Variants in RBFOX3 observed in about 807,000 individuals in gnomAD.
RBFOX3 encodes RNA binding fox-1 homolog 3, also known as RNA binding protein fox-1 homolog 3.
Under a neutral mutation model 48.7 loss-of-function variants are expected in RBFOX3, and 17 were observed. That is an observed-to-expected ratio of 0.35 (90% CI 0.24 to 0.52). The LOEUF is 0.52. Among genes scored for constraint, RBFOX3 ranks in the 20% least tolerant of loss-of-function variants. The pLI is 0.94. For missense variants in RBFOX3, 382 were observed against 497.5 expected, an observed-to-expected ratio of 0.77 and a Z score of 2.21; for synonymous variants, 212 against 209.5, an observed-to-expected ratio of 1.01 and a Z score of -0.10.
intron 4 of RBFOX3, among the ~76,000 whole-genome samples, chr17:79,230,558 T>C (rs1020129189): frequency 1.1e-4 from 17 of 152,104 alleles, no homozygotes; most frequent in African/African-American, 3.9e-4. Flanking sequence ...GGCACCCGGC[T>C]CTCCTTATTC....
rs947357799 is a variant in RBFOX3 at position 79,605,177 on chromosome 17, G to A, written c.-320+5649C>T. Among the ~76,000 whole-genome samples, 210 of 138,788 alleles carry A rather than the reference G, an allele frequency of 1.5e-3. No homozygotes were observed. The East Asian group carries it at 0.045, about 30-fold the overall frequency. 91.1% of individuals were successfully genotyped at this position (138,788 alleles called of 152,430 possible). ...AGAAGAGAATCTGATCTGGAGGTCC[G>A]GGTTACCTTTGTTTGTTTGTTTTGA... is the stretch of plus-strand genomic sequence containing the variant. On this transcript the variant is annotated intron_variant, in intron 1 of 14. Coordinates refer to ENST00000693108, the MANE Select transcript of RBFOX3 (RefSeq NM_001350451.2).
chr17:79,483,560 G>A (rs2079093577), intron 1 of RBFOX3, among the ~76,000 whole-genome samples: 1 of 145,452 alleles, frequency 6.9e-6, no homozygotes, highest in African/African-American at 2.6e-5. Flanking sequence ...CATCCCTATG[G>A]CATTTCCTTC....
intron 4 of RBFOX3, among the ~76,000 whole-genome samples, chr17:79,223,202 C>A (rs1019800968): frequency 6.6e-6 from 1 of 152,188 alleles, no homozygotes; most frequent in South Asian, 2.1e-4. Flanking sequence ...CAACAGCAGA[C>A]AGCACACACA....
intron 1 of RBFOX3, among the ~76,000 whole-genome samples, chr17:79,486,911 G>A (rs1228407128): frequency 6.6e-6 from 1 of 152,232 alleles, no homozygotes; most frequent in Non-Finnish European, 1.5e-5. Flanking sequence ...GAGGCAGCAC[G>A]AGACTGGGGC....
chr17:79,503,245 GGTTCACCATAT>G (rs1441687952), intron 1 of RBFOX3, among the ~76,000 whole-genome samples: 1 of 152,108 alleles, frequency 6.6e-6, no homozygotes, highest in Non-Finnish European at 1.5e-5. Flanking sequence ...GGGGCTTAGG[GGTTCACCATAT>G]GCATGGGGCG....
At chr17:79,459,926 A>T (rs77047482) in intron 2 of RBFOX3, among the ~76,000 whole-genome samples, 2,631 of 152,270 alleles carry the variant, frequency 0.017, 87 homozygotes, top group African/African-American at 0.06. Context: ...TTGAATGGAT[A>T]AACTCAATGG....
intron 2 of RBFOX3, among the ~76,000 whole-genome samples, chr17:79,401,802 C>T (rs1048373846): frequency 2.6e-5 from 4 of 152,212 alleles, no homozygotes; most frequent in Admixed American, 1.3e-4. Context: ...GTCTGACGAC[C>T]GGCTCCAGAT....
intron 4 of RBFOX3, among the ~76,000 whole-genome samples, chr17:79,194,812 C>G (rs1257733660): frequency 6.6e-6 from 1 of 150,732 alleles, no homozygotes; most frequent in Non-Finnish European, 1.5e-5. Context: ...GACTTGGGAC[C>G]ATAAAAAGAG....
At chr17:79,536,700 T>C (rs2088822990) in intron 1 of RBFOX3, among the ~76,000 whole-genome samples, 1 of 152,240 alleles carries the variant, frequency 6.6e-6, no homozygotes. Flanking sequence ...TCATCCGTCC[T>C]CTAACAGAGG....
chr17:79,291,582 G>C, intron 3 of RBFOX3, among the ~76,000 whole-genome samples: 1 of 152,208 alleles, frequency 6.6e-6, no homozygotes. Context: ...CACCCCTTGA[G>C]CCTCACAGTC....
chr17:79,376,966 T>C (rs765559475), intron 2 of RBFOX3, among the ~76,000 whole-genome samples: 2 of 152,154 alleles, frequency 1.3e-5, no homozygotes, highest in Admixed American at 6.5e-5. Flanking sequence ...CTCCCGCCAG[T>C]ACCTCCTGAG....
intron 2 of RBFOX3, among the ~76,000 whole-genome samples, chr17:79,382,603 G>A (rs941153840): frequency 1.2e-4 from 18 of 152,166 alleles, no homozygotes; most frequent in African/African-American, 4.3e-4. Context: ...TTGCGGTCAT[G>A]GGCAACCCTT....
the RBFOX3 span, among the ~76,000 whole-genome samples, chr17:79,629,494 G>C: frequency 2.0e-5 from 3 of 152,106 alleles, no homozygotes; most frequent in Non-Finnish European, 4.4e-5. Context: ...ATTGCACCCA[G>C]TGCTTCAGGG....
At chr17:79,225,291 CTTTT>C (rs58461275) in intron 4 of RBFOX3, among the ~76,000 whole-genome samples, 5 of 128,090 alleles carry the variant, frequency 3.9e-5, no homozygotes, top group Non-Finnish European at 3.2e-5. Context: ...TCCCTCCATT[CTTTT>C]TTTTTTTTTT....
At chr17:79,425,631 G>GA (rs1555725051) in intron 2 of RBFOX3, among the ~76,000 whole-genome samples, 1 of 152,258 alleles carries the variant, frequency 6.6e-6, no homozygotes. Context: ...GTGCACTTGG[G>GA]ATCAACCTTG....
Position 79,096,704 on chromosome 17 carries a change from C to T in RBFOX3, c.885G>A (p.Pro295=), listed in dbSNP as rs1009179838. The T allele has an allele frequency of 2.6e-6, 4 of 1,537,192 alleles. No homozygotes were observed. Among genetic ancestry groups the T allele is most frequent in the Non-Finnish European group, 2.6e-6 (3 of 1,138,646 alleles). ...CCTGATACACGACCCTGGAAGCAAACGGACAAGAAAGTGGTGGGAACGCTG... is the reference window on the plus strand; with the variant it reads ...CCTGATACACGACCCTGGAAGCAAATGGACAAGAAAGTGGTGGGAACGCTG... ...TSPAFPPLSC[P]FASRVVYQDG... is the part of the protein sequence containing the mutation. The change falls in exon 12 of 15, where the codon CCG becomes CCA. Residue 295 remains proline (P), a synonymous_variant. Coordinates refer to ENST00000693108, the MANE Select transcript of RBFOX3 (RefSeq NM_001350451.2).
chr17:79,611,140 C>CTCTA (rs2093961786), upstream of RBFOX3, among the ~76,000 whole-genome samples: 1 of 27,634 alleles, frequency 3.6e-5, no homozygotes, highest in Non-Finnish European at 1.0e-4. Flanking sequence ...TTCTCTCTCT[C>CTCTA]TCTCTCTCTC....
In RBFOX3 at chr17:79,485,076, C is replaced by T. The variant is rs994356083; in HGVS notation, c.-319-2478G>A. Among the ~76,000 whole-genome samples the T allele has an allele frequency of 1.3e-4, 20 of 151,998 alleles. 1 individual carries two copies. Among genetic ancestry groups the T allele is most frequent in the African/African-American group, 4.8e-5 (2 of 41,404 alleles). On this transcript the variant is annotated intron_variant, in intron 1 of 14. Transcript: ENST00000693108. Reference sequence around the variant, plus strand: ...AGGTGGTCCAGGGAGACTCCTGCCCCGCTGCTCTCTCCCACCAGCCCCAAA... The same window carrying T: ...AGGTGGTCCAGGGAGACTCCTGCCCTGCTGCTCTCTCCCACCAGCCCCAAA...
chr17:79,488,760 T>C (rs2080042568), intron 1 of RBFOX3, among the ~76,000 whole-genome samples: 1 of 152,162 alleles, frequency 6.6e-6, no homozygotes, highest in South Asian at 2.1e-4. Context: ...CTGCCCCCTG[T>C]ATGAGGCACA....
Sources: gnomAD v4.1 joint callset for allele counts (sites outside exome capture counted in the v4.1 genomes callset) on GRCh38, gnomAD v4.1.1 for gene constraint, MANE v1.5 for transcripts, NCBI Gene and HGNC (gene_info 2026-07-23, HGNC 2026-07-21) for gene names.